CLMN: variants seen among roughly 807,000 people sequenced by gnomAD.
CLMN encodes calmin (calponin-like, transmembrane).
CLMN carries 57 observed loss-of-function variants against 92.7 expected under a neutral mutation model. The observed-to-expected ratio is 0.61, with a 90% confidence interval of 0.50 to 0.77. CLMN has a LOEUF of 0.77. Among genes scored for constraint, CLMN ranks in the 30% least tolerant of loss-of-function variants. CLMN has a pLI of 0.00. For synonymous variants in CLMN, 466 were observed against 470.6 expected, an observed-to-expected ratio of 0.99 and a Z score of 0.13; for missense variants, 1,158 against 1,237.5, an observed-to-expected ratio of 0.94 and a Z score of 0.96.
At chr14:95,291,128 A>G (rs1407399995) in intron 1 of CLMN, among the ~76,000 whole-genome samples, 1 of 152,214 alleles carries the variant, frequency 6.6e-6, no homozygotes, top group East Asian at 1.9e-4. Flanking sequence ...CCACCTTGGA[A>G]AAAGCTTTAG....
At chr14:95,200,642 C>G (rs58027814) in intron 9 of CLMN, among the ~76,000 whole-genome samples, 5,764 of 152,306 alleles carry the variant, frequency 0.038, 298 homozygotes, top group African/African-American at 0.12. Context: ...CAGGCACCCC[C>G]CTTCACTGAT....
chr14:95,194,653 T>C lies in CLMN; in HGVS notation c.2709-57A>G, dbSNP rs981271243. The C allele has an allele frequency of 2.6e-6, 4 of 1,535,584 alleles. No individual in the cohort carries two copies. The highest frequency in any genetic ancestry group is 1.7e-4 in the Middle Eastern group (1 of 5,910). On this transcript the variant is annotated intron_variant, in intron 10 of 12. Transcript: ENST00000298912. The surrounding 1 kb of genome is among the most constrained non-coding windows in gnomAD (Gnocchi z 4.0). ...CCACCTGGAGCTCTTCATGGCTCAG[T>C]TGTACGGTCACCCCCATCCTGGGGT...
At chr14:95,295,065 T>A (rs1044138981) in intron 1 of CLMN, among the ~76,000 whole-genome samples, 7 of 152,250 alleles carry the variant, frequency 4.6e-5, no homozygotes, top group Non-Finnish European at 1.0e-4. Flanking sequence ...GGCCTTTTCC[T>A]GCCCCATCTC....
chr14:95,227,470 C>T (rs1274228638), intron 2 of CLMN, among the ~76,000 whole-genome samples: 1 of 152,164 alleles, frequency 6.6e-6, no homozygotes, highest in Non-Finnish European at 1.5e-5. Flanking sequence ...CCTGTTAATG[C>T]GAGGCAGAAA....
intron 1 of CLMN, among the ~76,000 whole-genome samples, chr14:95,289,105 G>C (rs1315939725): frequency 1.3e-5 from 2 of 152,242 alleles, no homozygotes; most frequent in Non-Finnish European, 2.9e-5. Flanking sequence ...GCCTGCATCT[G>C]AGTGGCGGTG....
chr14:95,315,448 T>C (rs1488385697), intron 1 of CLMN, among the ~76,000 whole-genome samples: 3 of 151,862 alleles, frequency 2.0e-5, no homozygotes, highest in African/African-American at 7.3e-5. Flanking sequence ...GGCTGGGTGG[T>C]GGGTGGAAAG....
At chr14:95,254,017 C>G (rs557154635) in intron 1 of CLMN, among the ~76,000 whole-genome samples, 1 of 152,186 alleles carries the variant, frequency 6.6e-6, no homozygotes, top group Admixed American at 6.5e-5. Context: ...TGGGCCAATT[C>G]TACCCATGGG....
At chr14:95,306,368 C>G (rs1901276792) in intron 1 of CLMN, among the ~76,000 whole-genome samples, 1 of 152,104 alleles carries the variant, frequency 6.6e-6, no homozygotes, top group Admixed American at 6.5e-5. Context: ...AAAAAATTAG[C>G]TGGGCATGGT....
intron 1 of CLMN, among the ~76,000 whole-genome samples, chr14:95,308,221 C>T (rs1901369806): frequency 6.6e-6 from 1 of 152,216 alleles, no homozygotes; most frequent in Admixed American, 6.5e-5. Flanking sequence ...TCAAGGAAAA[C>T]CTGGTGTGTA....
rs533049981 is a variant in CLMN, at chr14:95,232,243, C to T, written c.83-2110G>A. Among the ~76,000 whole-genome samples, 13 of 152,216 alleles carry T rather than the reference C, an allele frequency of 8.5e-5. 1 individual carries two copies. Among genetic ancestry groups the T allele is most frequent in the Non-Finnish European group, 1.3e-4 (9 of 68,040 alleles). ...CAGCCTCCTCGGCTGTGAGCTGCCA[C>T]GCCTCCAGGAAACTTCCTTCAATAT... On this transcript the variant is annotated intron_variant, in intron 1 of 12. Coordinates refer to ENST00000298912, the MANE Select transcript of CLMN (RefSeq NM_024734.4).
At chr14:95,229,420 G>A (rs930005981) in intron 2 of CLMN, among the ~76,000 whole-genome samples, 1 of 152,172 alleles carries the variant, frequency 6.6e-6, no homozygotes, top group African/African-American at 2.4e-5. Flanking sequence ...AAGAATGCAA[G>A]AAGAGAAAGA....
In CLMN at chr14:95,210,738, A is replaced by G. The variant is rs1897173835; in HGVS notation, c.750T>C (p.Ala250=). The G allele has an allele frequency of 6.2e-7, 1 of 1,610,236 alleles. No homozygotes were observed. Among genetic ancestry groups the G allele is most frequent in the Admixed American group, 1.7e-5 (1 of 59,410 alleles). The change falls in exon 7 of 13, where the codon GCT becomes GCC. Residue 250 remains alanine, a synonymous_variant. Coordinates refer to ENST00000298912, the MANE Select transcript of CLMN (RefSeq NM_024734.4). ...GCAGGGCATCCTGTGCGATGCTGAA[A>G]GCCTTCTCTAGATTTTCTCGTGTGG... ...ENSTRENLEK[A]FSIAQDALHI...
In CLMN at chr14:95,189,435, T is replaced by C. The variant is rs1595544831; in HGVS notation, c.*2129A>G. 1 of 152,234 alleles carries C rather than the reference T, an allele frequency of 6.6e-6. No individual in the cohort carries two copies. The highest frequency in any genetic ancestry group is 6.5e-5 in the Admixed American group (1 of 15,292). 9.4% of individuals were successfully genotyped at this position (152,234 alleles called of 1,614,324 possible). A position where few individuals can be genotyped will look rare whatever the true frequency, so the allele number is the denominator to read the frequency against. On this transcript the variant is annotated 3_prime_UTR_variant, in exon 13 of 13. Coordinates refer to ENST00000298912, the MANE Select transcript of CLMN (RefSeq NM_024734.4). ...CATTTTCTATATCCAGCTTCTTCCA[T>C]AGAAGCCTATACTCAAATGAGATTT... is the stretch of plus-strand genomic sequence containing the variant.
Position 95,254,248 on chromosome 14 carries a change from C to T in CLMN, c.83-24115G>A, listed in dbSNP as rs982228230. On this transcript the variant is annotated intron_variant, in intron 1 of 12. Transcript: ENST00000298912. ...CATGACCCAGGAGCCAAGGCCACCC[C>T]CCAAGGTCAGCAGTGTATAGCACTC... Among the ~76,000 whole-genome samples the T allele has an allele frequency of 2.0e-5, 3 of 152,300 alleles. No homozygotes were observed. In the Middle Eastern group the frequency reaches 0.01, roughly 522 times the overall value.
At chr14:95,298,760 A>G (rs1318119279) in intron 1 of CLMN, among the ~76,000 whole-genome samples, 1 of 152,224 alleles carries the variant, frequency 6.6e-6, no homozygotes, top group Non-Finnish European at 1.5e-5. Flanking sequence ...ACAGGTGCAC[A>G]TAAATAAGCA....
intron 6 of CLMN, among the ~76,000 whole-genome samples, chr14:95,212,151 G>A (rs1276637429): frequency 6.6e-6 from 1 of 152,172 alleles, no homozygotes; most frequent in African/African-American, 2.4e-5. Context: ...CACACACAGG[G>A]GATAAAGGAA....
rs1896486068 is a variant in CLMN at position 95,188,322 on chromosome 14, G to A, written c.*3242C>T. 1 of 152,148 alleles carries A rather than the reference G, an allele frequency of 6.6e-6. No individual in the cohort carries two copies. Among genetic ancestry groups the A allele is most frequent in the Non-Finnish European group, 1.5e-5 (1 of 68,038 alleles). 9.4% of individuals were successfully genotyped at this position (152,148 alleles called of 1,614,324 possible). A position where few individuals can be genotyped will look rare whatever the true frequency, so the allele number is the denominator to read the frequency against. Reference sequence around the variant, plus strand: ...AGGGAGCAGAAAAGACTTCCCCTCAGACCACAATCATTAACGTCCACAGAG... The same window carrying A: ...AGGGAGCAGAAAAGACTTCCCCTCAAACCACAATCATTAACGTCCACAGAG... On this transcript the variant is annotated 3_prime_UTR_variant, in exon 13 of 13. Transcript: ENST00000298912.
At chr14:95,239,876 C>A (rs780183769) in intron 1 of CLMN, among the ~76,000 whole-genome samples, 10 of 152,236 alleles carry the variant, frequency 6.6e-5, no homozygotes, top group Non-Finnish European at 1.3e-4. Flanking sequence ...ACCACATACA[C>A]AATGGTGTTC....
At chr14:95,310,617 G>A (rs1195614092) in intron 1 of CLMN, among the ~76,000 whole-genome samples, 1 of 152,214 alleles carries the variant, frequency 6.6e-6, no homozygotes, top group African/African-American at 2.4e-5. Context: ...GGGCTGGCAG[G>A]ACAAAGATTC....
Sources: gnomAD v4.1 joint callset for allele counts (sites outside exome capture counted in the v4.1 genomes callset) on GRCh38, gnomAD v4.1.1 for gene constraint, Gnocchi (gnomAD v3.1) non-coding constraint, MANE v1.5 for transcripts, NCBI Gene and HGNC (gene_info 2026-07-23, HGNC 2026-07-21) for gene names.